The following RAB11FIP5 variants were observed in gnomAD, a reference collection of about 807,000 sequenced individuals.
The protein encoded by RAB11FIP5 is rab11 family-interacting protein 5.
Under a neutral mutation model 85.1 loss-of-function variants are expected in RAB11FIP5, and 48 were observed. The ratio of observed to expected loss-of-function variants is 0.56; its 90% CI spans 0.45 to 0.72. The LOEUF is 0.72. Among genes scored for constraint, RAB11FIP5 ranks in the 30% least tolerant of loss-of-function variants. The pLI, the probability that RAB11FIP5 is intolerant of heterozygous loss-of-function variation, is 0.00. For synonymous variants in RAB11FIP5, 729 were observed against 727.3 expected (o/e 1.00, Z -0.04); for missense variants, 1,491 against 1,687.0 (o/e 0.88, Z 2.04).
intron 1 of RAB11FIP5, among the ~76,000 whole-genome samples, chr2:73,104,845 T>G (rs1684492992): frequency 6.6e-6 from 1 of 152,180 alleles, no homozygotes; most frequent in Admixed American, 6.5e-5. Flanking sequence ...ACGCTTTTTA[T>G]ATGCTGCTTT....
rs1684159091 is a variant in RAB11FIP5, at chr2:73,089,248, G to C, written c.499C>G (p.Gln167Glu). 13 of 1,614,194 alleles carry C rather than the reference G, an allele frequency of 8.1e-6. No homozygotes were observed. Among genetic ancestry groups the C allele is most frequent in the Middle Eastern group, 1.6e-4 (1 of 6,062 alleles). The stretch of plus-strand genomic sequence containing the variant: ...GCGCTCAGGTTGTTGCGCGTGAACT[G>C]GATGGTGACTTCAATCTCGCCGCGT... Reference protein sequence around the residue: ...KERGEIEVTIQFTRNNLSASM... With the variant: ...KERGEIEVTIEFTRNNLSASM... Residue 167 changes from glutamine to glutamate, a missense_variant, in exon 2 of 6, where the codon CAG becomes GAG. Physicochemically the swap from Gln to Glu is conservative, Grantham distance 29 (BLOSUM62 2). This residue lies in a region of RAB11FIP5 where 1,211 missense variants were observed against 1,338.0 expected (regional missense o/e 0.91). Coordinates refer to ENST00000486777, the MANE Select transcript of RAB11FIP5 (RefSeq NM_001371272.1). The surrounding 1 kb of genome is among the most constrained non-coding windows in gnomAD (Gnocchi z 4.6).
intron 3 of RAB11FIP5, among the ~76,000 whole-genome samples, 159 bp downstream of exon 3, chr2:73,087,891 C>A (rs955798498): frequency 6.6e-6 from 1 of 152,130 alleles, no homozygotes; most frequent in Non-Finnish European, 1.5e-5. Context: ...ACAGAACGAA[C>A]CTTGGCTTAG....
chr2:73,096,667 C>A (rs1382478319), intron 1 of RAB11FIP5, among the ~76,000 whole-genome samples: 2 of 152,152 alleles, frequency 1.3e-5, no homozygotes, highest in African/African-American at 2.4e-5. Context: ...CACTGTCACC[C>A]CATAGTCCCA....
chr2:73,090,539 C>T (rs547117942), intron 1 of RAB11FIP5, among the ~76,000 whole-genome samples: 1 of 152,316 alleles, frequency 6.6e-6, no homozygotes, highest in South Asian at 2.1e-4. Flanking sequence ...AACTGTGGTA[C>T]ATCCAGACAA....
In RAB11FIP5 at chr2:73,088,436, G is replaced by T. The variant is rs753028183; in HGVS notation, c.1182C>A (p.Asn394Lys). ...DDTWPRGSRSNSSSEAVLGQE... is the reference protein window; with the variant it reads ...DDTWPRGSRSKSSSEAVLGQE... ...GTCCAAGCACTGCCTCTGAGCTGCT[G>T]TTGCTACGACTGCCTCTGGGCCAGG... The change falls in exon 3 of 6, where the codon AAC becomes AAA. Residue 394 changes from asparagine to lysine, a missense_variant. Transcript: ENST00000486777. 1 of 1,613,918 alleles carries T rather than the reference G, an allele frequency of 6.2e-7. No homozygotes were observed. The highest frequency in any genetic ancestry group is 8.5e-7 in the Non-Finnish European group (1 of 1,180,042).
At chr2:73,103,157 A>C (rs1684461345) in intron 1 of RAB11FIP5, among the ~76,000 whole-genome samples, 1 of 152,162 alleles carries the variant, frequency 6.6e-6, no homozygotes. Context: ...TAAAACTGCA[A>C]GCCAGACATA....
chr2:73,102,333 C>T (rs1362311503), intron 1 of RAB11FIP5, among the ~76,000 whole-genome samples: 2 of 152,144 alleles, frequency 1.3e-5, no homozygotes, highest in Admixed American at 1.3e-4. Context: ...AGGAGACCAG[C>T]AAGGGGCAGT....
Position 73,112,338 on chromosome 2 carries a change from C to A in RAB11FIP5, c.431+9G>T. On this transcript the variant is annotated intron_variant, in intron 1 of 5. Coordinates refer to ENST00000486777, the MANE Select transcript of RAB11FIP5 (RefSeq NM_001371272.1). ...TAGCCGTTTCTGTGCCCCCGCGCCC[C>A]CTACTCACTGCGTGTGCTGGGCGCG... The A allele has an allele frequency of 6.4e-7, 1 of 1,574,134 alleles. No homozygotes were observed. Among genetic ancestry groups the A allele is most frequent in the Non-Finnish European group, 8.6e-7 (1 of 1,167,488 alleles).
chr2:73,102,569 CCT>C (rs1361452550), intron 1 of RAB11FIP5, among the ~76,000 whole-genome samples: 2 of 152,142 alleles, frequency 1.3e-5, no homozygotes, highest in East Asian at 3.9e-4. Flanking sequence ...TGGGAGCACC[CCT>C]TTTTCGCCCC....
chr2:73,079,682 G>T lies in RAB11FIP5; in HGVS notation c.3550C>A (p.Arg1184=). 8.1e-7 allele frequency: 1 copy of T among 1,233,430 alleles called. No individual in the cohort carries two copies. Among genetic ancestry groups the T allele is most frequent in the African/African-American group, 1.5e-5 (1 of 64,574 alleles). The allele number at this position is 1,233,430 out of a possible 1,614,324, so 76.4% of individuals were successfully genotyped here. Residue 1184 remains arginine (R), a synonymous_variant, in exon 4 of 6, where the codon CGA becomes AGA. Transcript: ENST00000486777. ...SPLVLLPLET[R]PAEEPQPSAS... ...CTGGGCTGTGGCTCCTCAGCTGGTC[G>T]TGTCTCCAAGGGCAGAAGCACAAGC...
Position 73,081,172 on chromosome 2 carries a change from C to T in RAB11FIP5, c.2060G>A (p.Gly687Glu). 1 of 1,232,602 alleles carries T rather than the reference C, an allele frequency of 8.1e-7. No individual in the cohort carries two copies. The highest frequency in any genetic ancestry group is 1.0e-6 in the Non-Finnish European group (1 of 988,344). 76.4% of individuals were successfully genotyped at this position (1,232,602 alleles called of 1,614,324 possible). ...EAAGLQDPGP[G>E]AMTAKAAEPQ... ...CTCAGCTGCCTTCGCAGTCATGGCC[C>T]CAGGGCCTGGGTCTTGCAGCCCTGC... The change falls in exon 4 of 6, where the codon GGG becomes GAG. Residue 687 changes from glycine (G) to glutamate (E), a missense_variant. Around this residue, in one of 3 missense-constraint regions of RAB11FIP5, gnomAD observed 1,211 missense variants for 1,338.0 expected, o/e 0.91. Coordinates refer to ENST00000486777, the MANE Select transcript of RAB11FIP5 (RefSeq NM_001371272.1). The surrounding 1 kb of genome is among the most constrained non-coding windows in gnomAD (Gnocchi z 4.2).
At chr2:73,082,920 G>A (rs1684015637) in intron 3 of RAB11FIP5, among the ~76,000 whole-genome samples, 1 of 152,234 alleles carries the variant, frequency 6.6e-6, no homozygotes, top group Non-Finnish European at 1.5e-5. Context: ...CACCGTCAGA[G>A]GCAGACCTCG....
chr2:73,090,993 G>C (rs893439712), intron 1 of RAB11FIP5, among the ~76,000 whole-genome samples: 4 of 152,246 alleles, frequency 2.6e-5, no homozygotes, highest in African/African-American at 9.6e-5. Context: ...GGGTGGAGTA[G>C]ATGGGAACTC....
In RAB11FIP5 at chr2:73,075,795, C is replaced by T. The variant is rs1489825451; in HGVS notation, c.3772-71G>A. 1.3e-4 allele frequency: 198 copies of T among 1,503,704 alleles called. No individual in the cohort carries two copies. The highest frequency in any genetic ancestry group is 1.7e-4 in the Non-Finnish European group (186 of 1,111,508). 93.1% of individuals were successfully genotyped at this position (1,503,704 alleles called of 1,614,324 possible). ...CTGCCTGCCTGCCCGCTTGCCCGCC[C>T]GCCCGCCTGCCCACCAACACCTAAG... On this transcript the variant is annotated intron_variant, in intron 5 of 5. Transcript: ENST00000486777. This position sits in a 1 kb window ranked among gnomAD's most constrained non-coding sequence, Gnocchi z 4.6.
rs1302808959 is a variant in RAB11FIP5, at chr2:73,074,193, TAATG to T, written c.*1324_*1327del. The T allele has an allele frequency of 1.3e-5, 2 of 152,162 alleles. No homozygotes were observed. The highest frequency in any genetic ancestry group is 2.4e-5 in the African/African-American group (1 of 41,418). The allele number at this position is 152,162 out of a possible 1,614,324, so 9.4% of individuals were successfully genotyped here. A position where few individuals can be genotyped will look rare whatever the true frequency, so the allele number is the denominator to read the frequency against. ...GAAGGGACAGGCTGAGATAGCAGCT[TAATG>T]GATGGATGGGAGGACAACAAAGGCT... On this transcript the variant is annotated 3_prime_UTR_variant, in exon 6 of 6. Coordinates refer to ENST00000486777, the MANE Select transcript of RAB11FIP5 (RefSeq NM_001371272.1).
rs1270503343 is a variant in RAB11FIP5 at position 73,080,997 on chromosome 2, C to T, written c.2235G>A (p.Ser745=). Residue 745 remains serine, a synonymous_variant, in exon 4 of 6, where the codon TCG becomes TCA. Transcript: ENST00000486777. ...ASAADPGLLG[S]VGAGLPSSSA... is the part of the protein sequence containing the mutation. ...ACGAGGAGGGCAGGCCAGCCCCTAC[C>T]GACCCGAGGAGCCCTGGGTCAGCCG... The T allele has an allele frequency of 1.9e-5, 24 of 1,232,346 alleles. No individual in the cohort carries two copies. Among genetic ancestry groups the T allele is most frequent in the East Asian group, 9.5e-5 (3 of 31,706 alleles). 76.3% of individuals were successfully genotyped at this position (1,232,346 alleles called of 1,614,324 possible).
At chr2:73,107,920 C>T (rs1239794615) in intron 1 of RAB11FIP5, among the ~76,000 whole-genome samples, 5 of 152,324 alleles carry the variant, frequency 3.3e-5, no homozygotes, top group Admixed American at 1.3e-4. Flanking sequence ...GGGTCACGCA[C>T]CATCTGCCCA....
At chr2:73,083,663 C>T (rs1358531751) in intron 3 of RAB11FIP5, among the ~76,000 whole-genome samples, 1 of 152,176 alleles carries the variant, frequency 6.6e-6, no homozygotes, top group African/African-American at 2.4e-5. Flanking sequence ...GCCCTTTCTC[C>T]CTTCATTCCA....
At chr2:73,108,039 G>A (rs1029236298) in intron 1 of RAB11FIP5, among the ~76,000 whole-genome samples, 3 of 152,144 alleles carry the variant, frequency 2.0e-5, no homozygotes, top group Non-Finnish European at 2.9e-5. Context: ...GCCTCCCAGT[G>A]CCCCCAAACC....
Sources: gnomAD v4.1 joint callset for allele counts (sites outside exome capture counted in the v4.1 genomes callset) on GRCh38, gnomAD v4.1.1 for gene constraint, gnomAD v4.1.1 regional missense constraint, Gnocchi (gnomAD v3.1) non-coding constraint, MANE v1.5 for transcripts, NCBI Gene and HGNC (gene_info 2026-07-23, HGNC 2026-07-21) for gene names.